Variants in NKAIN3 observed in about 807,000 individuals in gnomAD.
The protein encoded by NKAIN3 is sodium/potassium transporting ATPase interacting 3.
NKAIN3 carries 25 observed loss-of-function variants against 30.2 expected under a neutral mutation model. That is an observed-to-expected ratio of 0.83 (90% CI 0.60 to 1.16). The LOEUF (loss-of-function observed/expected upper bound fraction) is 1.16, where lower values mean the gene tolerates loss of function less well. Among genes scored for constraint, NKAIN3 ranks in the 50% most tolerant of loss-of-function variants. The pLI, the probability that NKAIN3 is intolerant of heterozygous loss-of-function variation, is 0.00. For synonymous variants in NKAIN3, 91 were observed against 89.6 expected, an observed-to-expected ratio of 1.02 and a Z score of -0.09; for missense variants, 225 against 254.1, an observed-to-expected ratio of 0.89 and a Z score of 0.78.
intron 1 of NKAIN3, among the ~76,000 whole-genome samples, chr8:62,289,426 A>G (rs1214744150): frequency 6.6e-6 from 1 of 152,060 alleles, no homozygotes; most frequent in African/African-American, 2.4e-5. Flanking sequence ...TGTATAAGAT[A>G]TAAGGAAGGG....
chr8:62,940,150 T>TAAA (rs34706177), intron 5 of NKAIN3, among the ~76,000 whole-genome samples: 1 of 145,434 alleles, frequency 6.9e-6, no homozygotes, highest in African/African-American at 2.5e-5. Flanking sequence ...CAACAACAGT[T>TAAA]AAAAAAAAAA....
intron 3 of NKAIN3, among the ~76,000 whole-genome samples, chr8:62,671,033 G>T (rs768516628): frequency 6.6e-6 from 1 of 152,042 alleles, no homozygotes; most frequent in Non-Finnish European, 1.5e-5. Flanking sequence ...ATGTAAAAAA[G>T]AAGCTATATC....
intron 3 of NKAIN3, among the ~76,000 whole-genome samples, chr8:62,689,624 AAAAT>A (rs1463125176): frequency 6.6e-6 from 1 of 152,154 alleles, no homozygotes; most frequent in African/African-American, 2.4e-5. Context: ...CTTTCTTTGT[AAAAT>A]AAATCTCCTT....
intron 4 of NKAIN3, among the ~76,000 whole-genome samples, chr8:62,870,465 CAT>C (rs1219042766): frequency 9.0e-5 from 12 of 133,406 alleles, no homozygotes; most frequent in Non-Finnish European, 1.8e-4. Context: ...ATTGTATATA[CAT>C]ATATATTGTA....
At chr8:62,859,963 T>G (rs1339088816) in intron 4 of NKAIN3, among the ~76,000 whole-genome samples, 1 of 152,244 alleles carries the variant, frequency 6.6e-6, no homozygotes, top group Admixed American at 6.5e-5. Flanking sequence ...TTGACATTTG[T>G]TGCCATTTTG....
At chr8:62,900,920 G>A (rs759765740) in intron 4 of NKAIN3, among the ~76,000 whole-genome samples, 2 of 152,136 alleles carry the variant, frequency 1.3e-5, no homozygotes, top group Non-Finnish European at 2.9e-5. Flanking sequence ...AACCCATCCT[G>A]AGACCTGGGT....
intron 1 of NKAIN3, among the ~76,000 whole-genome samples, chr8:62,373,552 C>A (rs1227915379): frequency 6.6e-6 from 1 of 152,110 alleles, no homozygotes; most frequent in Non-Finnish European, 1.5e-5. Context: ...CAAACCAAGG[C>A]TTTTTGGAGT....
chr8:62,730,823 G>A (rs528143029), intron 3 of NKAIN3, among the ~76,000 whole-genome samples: 23 of 152,024 alleles, frequency 1.5e-4, no homozygotes, highest in African/African-American at 4.8e-4. Flanking sequence ...TTTCAAGTAA[G>A]GTGTTATTTT....
chr8:62,748,189 A>T (rs745895580), intron 4 of NKAIN3, among the ~76,000 whole-genome samples: 1 of 152,206 alleles, frequency 6.6e-6, no homozygotes, highest in African/African-American at 2.4e-5. Flanking sequence ...AAGGTCACCC[A>T]TATAAACTCC....
At chr8:62,332,830 C>G (rs953068417) in intron 1 of NKAIN3, among the ~76,000 whole-genome samples, 29 of 152,132 alleles carry the variant, frequency 1.9e-4, no homozygotes, top group African/African-American at 6.8e-4. Flanking sequence ...AGTTCAAGAC[C>G]AGCCTGGGCA....
At chr8:62,416,815 T>A (rs1804458870) in intron 1 of NKAIN3, among the ~76,000 whole-genome samples, 1 of 151,838 alleles carries the variant, frequency 6.6e-6, no homozygotes, top group Non-Finnish European at 1.5e-5. Context: ...GCCAACATGG[T>A]GAAACCCCGT....
At chr8:62,803,138 G>C (rs1220336811) in intron 4 of NKAIN3, among the ~76,000 whole-genome samples, 3 of 152,070 alleles carry the variant, frequency 2.0e-5, no homozygotes, top group African/African-American at 7.3e-5. Flanking sequence ...CCTACAAAGA[G>C]ACTTAGACTC....
intron 4 of NKAIN3, among the ~76,000 whole-genome samples, chr8:62,803,911 A>G (rs1254378812): frequency 1.3e-5 from 2 of 152,196 alleles, no homozygotes; most frequent in Non-Finnish European, 2.9e-5. Context: ...AATAGACGCA[A>G]TAAAAAATGA....
chr8:62,948,875 C>A (rs1237854344), intron 5 of NKAIN3, among the ~76,000 whole-genome samples: 1 of 152,178 alleles, frequency 6.6e-6, no homozygotes, highest in East Asian at 1.9e-4. Context: ...GCTTTTAGCT[C>A]AGCAGAATCT....
At chr8:62,434,493 G>C (rs768342952) in intron 1 of NKAIN3, among the ~76,000 whole-genome samples, 3 of 152,046 alleles carry the variant, frequency 2.0e-5, no homozygotes, top group African/African-American at 7.2e-5. Context: ...TCAGACCAGC[G>C]TTTATCTTAA....
chr8:62,562,790 C>T lies in NKAIN3; in HGVS notation c.55-16749C>T, dbSNP rs370470721. Among the ~76,000 whole-genome samples the T allele has an allele frequency of 7.6e-4, 116 of 152,160 alleles. 2 individuals are homozygous for T. The South Asian group carries it at 0.019, about 25-fold the overall frequency. ...TTTCTAAAGAGGAAACATTTAATTT[C>T]GTTTCCAAATGAAATATCTAGTTCT... On this transcript the variant is annotated intron_variant, in intron 1 of 6. Coordinates refer to ENST00000623646, the MANE Select transcript of NKAIN3 (RefSeq NM_001304533.3).
At chr8:62,775,596 G>A (rs577474735) in intron 4 of NKAIN3, among the ~76,000 whole-genome samples, 50 of 151,946 alleles carry the variant, frequency 3.3e-4, no homozygotes, top group African/African-American at 1.1e-3. Flanking sequence ...GTTTTTGCAG[G>A]TCATGTTCCT....
At chr8:62,840,225 A>C (rs925401251) in intron 4 of NKAIN3, among the ~76,000 whole-genome samples, 1 of 152,038 alleles carries the variant, frequency 6.6e-6, no homozygotes, top group Non-Finnish European at 1.5e-5. Context: ...CACATGAAAA[A>C]TAGACATCTC....
chr8:62,336,512 T>C (rs1815557343), intron 1 of NKAIN3, among the ~76,000 whole-genome samples: 1 of 152,024 alleles, frequency 6.6e-6, no homozygotes, highest in South Asian at 2.1e-4. Context: ...AACAGTCTCC[T>C]TGAAGTCCTC....
Sources: allele counts gnomAD v4.1 joint callset (sites outside exome capture counted in the v4.1 genomes callset), GRCh38; gene constraint gnomAD v4.1.1; transcripts MANE v1.5; gene names NCBI Gene and HGNC (gene_info 2026-07-23, HGNC 2026-07-21).